Variants in ATF1 observed in about 807,000 individuals in gnomAD.
ATF1 encodes the protein cyclic AMP-dependent transcription factor ATF-1.
Under a neutral mutation model 34.7 loss-of-function variants are expected in ATF1, and 16 were observed. That is an observed-to-expected ratio of 0.46 (90% CI 0.31 to 0.70). The LOEUF (loss-of-function observed/expected upper bound fraction) is 0.70, where lower values mean the gene tolerates loss of function less well. Among genes scored for constraint, ATF1 ranks in the 30% least tolerant of loss-of-function variants. The probability of loss-of-function intolerance (pLI) is 0.05; values close to 1 mark genes in which losing one functional copy is unlikely to be tolerated. For missense variants in ATF1, 255 were observed against 321.6 expected (o/e 0.79, Z 1.58); for synonymous variants, 105 against 113.1 (o/e 0.93, Z 0.46).
chr12:50,807,676 C>T (rs781735010), intron 3 of ATF1, among the ~76,000 whole-genome samples: 2 of 151,934 alleles, frequency 1.3e-5, no homozygotes, highest in African/African-American at 2.4e-5. Context: ...GTTGTTTTCA[C>T]GTAAGTATTT....
chr12:50,803,106 A>G (rs542704901), intron 3 of ATF1, among the ~76,000 whole-genome samples: 2 of 151,446 alleles, frequency 1.3e-5, no homozygotes, highest in African/African-American at 4.8e-5. Context: ...ACTAAAAAAA[A>G]AAAATACAAA....
chr12:50,809,714 G>A, intron 4 of ATF1, 125 bp downstream of exon 4: 1 of 1,052,542 alleles, frequency 9.5e-7, no homozygotes, highest in Middle Eastern at 3.1e-4. Flanking sequence ...TTTTCAGCCA[G>A]GAATAATGCG....
intron 3 of ATF1, among the ~76,000 whole-genome samples, chr12:50,805,107 T>G (rs998387236): frequency 3.3e-5 from 5 of 151,900 alleles, no homozygotes; most frequent in African/African-American, 9.7e-5. Flanking sequence ...TTGGCCTAAT[T>G]GACATTTTTA....
chr12:50,781,275 C>G (rs1300319972), intron 2 of ATF1, among the ~76,000 whole-genome samples: 1 of 152,018 alleles, frequency 6.6e-6, no homozygotes, highest in East Asian at 1.9e-4. Flanking sequence ...TATGTAAATG[C>G]TATGTGAATA....
At chr12:50,794,043 C>T (rs912178467) in intron 2 of ATF1, among the ~76,000 whole-genome samples, 1 of 151,890 alleles carries the variant, frequency 6.6e-6, no homozygotes, top group Non-Finnish European at 1.5e-5. Flanking sequence ...CTCCACCTCC[C>T]AGGTTCACGC....
In ATF1 at chr12:50,780,194, G is replaced by A; in HGVS notation, c.49G>A (p.Gly17Ser). The A allele has an allele frequency of 6.2e-7, 1 of 1,613,872 alleles. No individual in the cohort carries two copies. The highest frequency in any genetic ancestry group is 8.5e-7 in the Non-Finnish European group (1 of 1,179,894). The change falls in exon 2 of 7, where the codon GGT becomes AGT. Residue 17 changes from glycine to serine, a missense_variant. By Grantham distance (56) the Gly-to-Ser change is moderately conservative (BLOSUM62 0). Coordinates refer to ENST00000262053, the MANE Select transcript of ATF1 (RefSeq NM_005171.5). Reference sequence around the variant, plus strand: ...CACGTCAGAGACAGCACCTCAACCTGGTTCAGCAGTTCAGGGAGCTCACAT... The same window carrying A: ...CACGTCAGAGACAGCACCTCAACCTAGTTCAGCAGTTCAGGGAGCTCACAT... Reference protein sequence around the residue: ...STTSETAPQPGSAVQGAHISH... With the variant: ...STTSETAPQPSSAVQGAHISH...
At chr12:50,792,112 G>A (rs914950984) in intron 2 of ATF1, among the ~76,000 whole-genome samples, 2 of 151,894 alleles carry the variant, frequency 1.3e-5, no homozygotes, top group African/African-American at 4.8e-5. Flanking sequence ...CATACCCTCA[G>A]GTAATTGTTA....
At position 50,821,125 on chromosome 12, in the gene ATF1, C is replaced by CTGAA. The variant is rs1941941031; in HGVS notation, c.*1349_*1352dup. On this transcript the variant is annotated 3_prime_UTR_variant, in exon 7 of 7. Coordinates refer to ENST00000262053, the MANE Select transcript of ATF1 (RefSeq NM_005171.5). ...AAATTAAAGGACATTTGATAGTCTA[C>CTGAA]TGAATGTAAAATATAATGCTTGGTA... 5.7e-6 allele frequency: 1 copy of CTGAA among 176,576 alleles called. No individual in the cohort carries two copies. The highest frequency in any genetic ancestry group is 2.4e-5 in the African/African-American group (1 of 42,234). 10.9% of individuals were successfully genotyped at this position (176,576 alleles called of 1,614,324 possible).
intron 1 of ATF1, among the ~76,000 whole-genome samples, chr12:50,765,770 C>T (rs11169553): frequency 0.84 from 127,652 of 152,098 alleles, 55,628 homozygotes; most frequent in Non-Finnish European, 0.98. Flanking sequence ...GACCCCTGGT[C>T]ATCCTCACTG....
chr12:50,791,628 A>G (rs1243700421), intron 2 of ATF1, among the ~76,000 whole-genome samples: 2 of 152,152 alleles, frequency 1.3e-5, no homozygotes, highest in Non-Finnish European at 2.9e-5. Flanking sequence ...GGGAGCAGGA[A>G]GGAAGCTTAC....
intron 6 of ATF1, among the ~76,000 whole-genome samples, chr12:50,817,467 T>C (rs748452437): frequency 6.6e-6 from 1 of 152,164 alleles, no homozygotes; most frequent in Non-Finnish European, 1.5e-5. Flanking sequence ...ATAGCAGTTT[T>C]AGGGTCATAT....
chr12:50,802,954 C>T (rs115731963), intron 3 of ATF1, among the ~76,000 whole-genome samples: 1 of 144,768 alleles, frequency 6.9e-6, no homozygotes, highest in East Asian at 2.1e-4. Flanking sequence ...ATATTAAGAC[C>T]AAATTAAAAA....
At chr12:50,792,386 T>C (rs896655930) in intron 2 of ATF1, among the ~76,000 whole-genome samples, 9 of 152,176 alleles carry the variant, frequency 5.9e-5, no homozygotes, top group African/African-American at 1.7e-4. Flanking sequence ...TTAATTGAAT[T>C]TGTATTTGTT....
chr12:50,772,507 G>A (rs1265461582), intron 1 of ATF1, among the ~76,000 whole-genome samples: 2 of 151,836 alleles, frequency 1.3e-5, no homozygotes, highest in African/African-American at 2.4e-5. Context: ...TGTAGTTTTA[G>A]TAGAGACCGA....
chr12:50,772,600 A>ACAG, intron 1 of ATF1, among the ~76,000 whole-genome samples: 1 of 152,254 alleles, frequency 6.6e-6, no homozygotes, highest in South Asian at 2.1e-4. Context: ...TTCTGGGATT[A>ACAG]CAGGTGTGAC....
intron 3 of ATF1, among the ~76,000 whole-genome samples, chr12:50,798,104 G>A (rs1052393431): frequency 3.3e-5 from 5 of 151,380 alleles, no homozygotes; most frequent in East Asian, 2.0e-4. Flanking sequence ...AGCTGAGATC[G>A]TGCCACTGCA....
intron 2 of ATF1, among the ~76,000 whole-genome samples, chr12:50,781,110 C>T (rs955491980): frequency 5.3e-5 from 8 of 152,120 alleles, no homozygotes; most frequent in Admixed American, 2.6e-4. Context: ...AGTCATCTCT[C>T]AGTATCTGTG....
At chr12:50,810,479 C>T (rs374857646) in intron 4 of ATF1, among the ~76,000 whole-genome samples, 2 of 152,266 alleles carry the variant, frequency 1.3e-5, no homozygotes, top group East Asian at 3.9e-4. Context: ...CCTTGGCCTC[C>T]CAAAGTGCTG....
At chr12:50,794,960 C>T (rs1420060186) in intron 2 of ATF1, among the ~76,000 whole-genome samples, 1 of 151,970 alleles carries the variant, frequency 6.6e-6, no homozygotes, top group Non-Finnish European at 1.5e-5. Context: ...AAATTGAAAA[C>T]AACTTGTTTT....
Sources: gnomAD v4.1 joint callset for allele counts (sites outside exome capture counted in the v4.1 genomes callset) on GRCh38, gnomAD v4.1.1 for gene constraint, MANE v1.5 for transcripts, NCBI Gene and HGNC (gene_info 2026-07-23, HGNC 2026-07-21) for gene names.